IARS2: variants seen among roughly 807,000 people sequenced by gnomAD.
IARS2 encodes isoleucine--tRNA ligase, mitochondrial.
In IARS2, 56 loss-of-function variants were observed where a neutral mutation model predicts 126.3. The observed-to-expected ratio is 0.44, with a 90% CI of 0.36 to 0.55. The LOEUF (loss-of-function observed/expected upper bound fraction) is 0.55. IARS2 is among the 20% of genes least tolerant of loss of function. The pLI is 0.00. For synonymous variants in IARS2, 407 were observed against 441.1 expected, an observed-to-expected ratio of 0.92 and a Z score of 0.97; for missense variants, 1,127 against 1,245.9, an observed-to-expected ratio of 0.90 and a Z score of 1.44.
rs1370929538 is a variant in IARS2, at chr1:220,147,784, G to GAA, written c.*150_*151dup. 1.5e-6 allele frequency: 1 copy of GAA among 684,306 alleles called. No homozygotes were observed. The highest frequency in any genetic ancestry group is 2.9e-5 in the Admixed American group (1 of 34,338). The allele number at this position is 684,306 out of a possible 1,614,324, so 42.4% of individuals were successfully genotyped here. A position where few individuals can be genotyped will look rare whatever the true frequency, so the allele number is the denominator to read the frequency against. On this transcript the variant is annotated 3_prime_UTR_variant, in exon 23 of 23. Coordinates refer to ENST00000366922, the MANE Select transcript of IARS2 (RefSeq NM_018060.4). ...GATGGGAGTCAAAATCAGAATTATA[G>GAA]AAGAAGTATTTCCTGTAACTATAGA...
Position 220,143,109 on chromosome 1 carries a change from C to T in IARS2, c.2726C>T (p.Pro909Leu), listed in dbSNP as rs587783070. 4 of 1,613,630 alleles carry T rather than the reference C, an allele frequency of 2.5e-6. No homozygotes were observed. Among genetic ancestry groups the T allele is most frequent in the Non-Finnish European group, 3.4e-6 (4 of 1,179,676 alleles). Residue 909 changes from proline to leucine, a missense_variant, in exon 21 of 23, where the codon CCT becomes CTT. Physicochemically the swap from Pro to Leu is moderately conservative, Grantham distance 98 (BLOSUM62 -3). Coordinates refer to ENST00000366922, the MANE Select transcript of IARS2 (RefSeq NM_018060.4). ...TACAAGGTTATCACTGTGATAGAAC[C>T]TGGACTGCTTTTTGAGATAATAGAG... ...AEYKVITVIEPGLLFEIIEML... is the reference protein window; with the variant it reads ...AEYKVITVIELGLLFEIIEML...
At chr1:220,122,141 G>T (rs1426786218) in intron 12 of IARS2, among the ~76,000 whole-genome samples, 5 of 152,136 alleles carry the variant, frequency 3.3e-5, no homozygotes, top group Non-Finnish European at 7.3e-5. Context: ...TTCATCTATA[G>T]TCATAACGTT....
intron 12 of IARS2, among the ~76,000 whole-genome samples, chr1:220,121,240 A>C (rs978871300): frequency 2.1e-4 from 32 of 152,328 alleles, no homozygotes; most frequent in African/African-American, 7.7e-4. Context: ...AGGTAAGCTA[A>C]AAGAAAAACA....
rs764613323 is a variant in IARS2 at position 220,094,187 on chromosome 1, G to C, written c.-30G>C. The C allele has an allele frequency of 2.0e-6, 3 of 1,520,172 alleles. No homozygotes were observed. Among genetic ancestry groups the C allele is most frequent in the Non-Finnish European group, 2.6e-6 (3 of 1,139,296 alleles). The allele number at this position is 1,520,172 out of a possible 1,614,324, so 94.2% of individuals were successfully genotyped here. A position where few individuals can be genotyped will look rare whatever the true frequency, so the allele number is the denominator to read the frequency against. ...GCCCCTTCAAGCTGGGGCGGGAGCG[G>C]AGGACCCCGCTCTCAGGGGTTGCCG... On this transcript the variant is annotated 5_prime_UTR_variant, in exon 1 of 23. Transcript: ENST00000366922.
chr1:220,117,634 C>G (rs1298990275), intron 12 of IARS2, among the ~76,000 whole-genome samples: 1 of 152,038 alleles, frequency 6.6e-6, no homozygotes, highest in Admixed American at 6.6e-5. Context: ...GTAAATATAG[C>G]AAACTGGTTT....
intron 2 of IARS2, among the ~76,000 whole-genome samples, chr1:220,097,397 A>T (rs1291865894): frequency 7.5e-6 from 1 of 134,124 alleles, no homozygotes; most frequent in African/African-American, 2.9e-5. Context: ...AGAGTCTTGT[A>T]CTGTCGCCCG....
intron 20 of IARS2, among the ~76,000 whole-genome samples, chr1:220,142,228 G>A (rs1275113904): frequency 6.6e-6 from 1 of 152,154 alleles, no homozygotes; most frequent in Admixed American, 6.6e-5. Flanking sequence ...GGCTGGCATG[G>A]TGGCTCACAC....
intron 19 of IARS2, 75 bp downstream of exon 19, chr1:220,140,364 G>A: frequency 1.1e-6 from 1 of 890,820 alleles, no homozygotes; most frequent in Admixed American, 2.1e-5. Context: ...CCAGCACTTT[G>A]GGAGGCCGAG....
At chr1:220,123,178 A>G (rs1657083880) in intron 12 of IARS2, among the ~76,000 whole-genome samples, 1 of 151,890 alleles carries the variant, frequency 6.6e-6, no homozygotes, top group Non-Finnish European at 1.5e-5. Context: ...TTCTGGACAA[A>G]CTATATAAAA....
rs1558119962 is a variant in IARS2, at chr1:220,102,718, G to C, written c.891G>C (p.Trp297Cys). 1 of 1,613,664 alleles carries C rather than the reference G, an allele frequency of 6.2e-7. No individual in the cohort carries two copies. Among genetic ancestry groups the C allele is most frequent in the Non-Finnish European group, 8.5e-7 (1 of 1,179,666 alleles). ...CATCTCCTGTTAGTATTTTGGTCTG[G>C]ACCACACAACCTTGGACGATTCCAG... is the stretch of plus-strand genomic sequence containing the variant. ...DGSSPVSILV[W>C]TTQPWTIPAN... The change falls in exon 7 of 23, where the codon TGG becomes TGC. Residue 297 changes from tryptophan (W) to cysteine (C), a missense_variant. By Grantham distance (215) the Trp-to-Cys change is radical. Transcript: ENST00000366922.
Position 220,094,319 on chromosome 1 carries a change from G to C in IARS2, c.103G>C (p.Gly35Arg). ...CCTTCCCTGCAGCCCGGGATGGCAA[G>C]GGGCGACGAAGAGGCTTCTGGTGCG... Reference protein sequence around the residue: ...PRLPCSPGWQGATKRLLVRSV... With the variant: ...PRLPCSPGWQRATKRLLVRSV... The change falls in exon 1 of 23, where the codon GGG becomes CGG. Residue 35 changes from glycine to arginine, a missense_variant. Gly to Arg is a moderately radical substitution (Grantham distance 125). Transcript: ENST00000366922. 6.2e-7 allele frequency: 1 copy of C among 1,612,760 alleles called. No individual in the cohort carries two copies. Among genetic ancestry groups the C allele is most frequent in the Non-Finnish European group, 8.5e-7 (1 of 1,179,522 alleles).
At chr1:220,125,994 C>A (rs1351871656) in intron 13 of IARS2, among the ~76,000 whole-genome samples, 1 of 151,474 alleles carries the variant, frequency 6.6e-6, no homozygotes, top group Non-Finnish European at 1.5e-5. Context: ...GTAGTCCCAG[C>A]TACTCGGGAG....
rs373657129 is a variant in IARS2, at chr1:220,105,917, A to G, written c.1093A>G (p.Ser365Gly). The change falls in exon 9 of 23, where the codon AGT becomes GGT. Residue 365 changes from serine to glycine, a missense_variant. Coordinates refer to ENST00000366922, the MANE Select transcript of IARS2 (RefSeq NM_018060.4). ...TGTAGATTTGGAAAATGGTACTTGC[A>G]GTCATCCATTAATTCCTGATAAAGC... ...SGVDLENGTC[S>G]HPLIPDKASP... is the part of the protein sequence containing the mutation. The G allele has an allele frequency of 1.1e-4, 170 of 1,613,964 alleles. No homozygotes were observed. Among genetic ancestry groups the G allele is most frequent in the Non-Finnish European group, 1.4e-4 (164 of 1,179,980 alleles).
chr1:220,137,468 CTGTT>C (rs1657399668), intron 16 of IARS2, among the ~76,000 whole-genome samples: 3 of 152,098 alleles, frequency 2.0e-5, no homozygotes, highest in African/African-American at 7.2e-5. Context: ...AATCATTTGT[CTGTT>C]TTTTTCTATT....
chr1:220,135,521 G>A (rs900883967), intron 15 of IARS2, among the ~76,000 whole-genome samples: 7 of 151,900 alleles, frequency 4.6e-5, no homozygotes, highest in African/African-American at 1.7e-4. Context: ...CACCATGCCC[G>A]GCTAATTTTT....
intron 21 of IARS2, 169 bp downstream of exon 21, chr1:220,143,303 T>C: frequency 4.8e-6 from 2 of 414,488 alleles, no homozygotes; most frequent in Non-Finnish European, 4.2e-6. Context: ...CTTTTAAATA[T>C]CTTTTAATAA....
chr1:220,102,802 T>C (rs1558120019), intron 7 of IARS2, 25 bp downstream of exon 7: 4 of 1,294,036 alleles, frequency 3.1e-6, no homozygotes, highest in Non-Finnish European at 3.4e-6. Flanking sequence ...GCATTTTTTG[T>C]TTTATACACA....
intron 7 of IARS2, among the ~76,000 whole-genome samples, chr1:220,103,081 C>T (rs75683410): frequency 6.6e-6 from 1 of 150,556 alleles, no homozygotes; most frequent in African/African-American, 2.4e-5. Context: ...CCTTTTGTTG[C>T]CCAGGCTGGA....
In IARS2 at chr1:220,147,501, A is replaced by G; in HGVS notation, c.2905A>G (p.Ile969Val). The part of the protein sequence containing the change: ...KFLINLEGGD[I>V]REESSYKVIV... ...CATGTATTTTTTTATAGGTGGTGATATTCGTGAAGAGTCTTCCTATAAAGT... is the reference window on the plus strand; with the variant it reads ...CATGTATTTTTTTATAGGTGGTGATGTTCGTGAAGAGTCTTCCTATAAAGT... The change falls in exon 23 of 23, where the codon ATT (isoleucine) becomes GTT (valine). Residue 969 changes from isoleucine (I) to valine (V), a missense_variant. Ile to Val is a conservative substitution (Grantham distance 29, BLOSUM62 3). Transcript: ENST00000366922. 1.2e-6 allele frequency: 2 copies of G among 1,614,068 alleles called. No homozygotes were observed.
Sources: gnomAD v4.1 joint callset for allele counts (sites outside exome capture counted in the v4.1 genomes callset) on GRCh38, gnomAD v4.1.1 for gene constraint, MANE v1.5 for transcripts, NCBI Gene and HGNC (gene_info 2026-07-23, HGNC 2026-07-21) for gene names.